ASCC3: variants seen among roughly 807,000 people sequenced by gnomAD.
ASCC3 encodes the protein ASC-1 complex subunit P200.
Under a neutral mutation model 256.3 loss-of-function variants are expected in ASCC3, and 158 were observed. The observed-to-expected ratio is 0.62, with a 90% CI of 0.54 to 0.70. The LOEUF (loss-of-function observed/expected upper bound fraction) is 0.70, where lower values mean the gene tolerates loss of function less well. Among genes scored for constraint, ASCC3 ranks in the 30% least tolerant of loss-of-function variants. The pLI, the probability that ASCC3 is intolerant of heterozygous loss-of-function variation, is 0.00. For missense variants in ASCC3, 2,259 were observed against 2,626.0 expected (o/e 0.86, Z 3.05); for synonymous variants, 948 against 883.4 (o/e 1.07, Z -1.30).
Position 100,652,753 on chromosome 6 carries a change from T to TA in ASCC3, c.2959_2960insT (p.His987LeufsTer5). ...AATGGTGTTGTATTTAATATAGTAATGGCTGGCAGTTCTACCCAAATCAGT... is the reference window on the plus strand; with the variant it reads ...AATGGTGTTGTATTTAATATAGTAATAGGCTGGCAGTTCTACCCAAATCAGT... On this transcript the variant is annotated frameshift_variant, in exon 18 of 42. Transcript: ENST00000369162. LOFTEE classifies it high-confidence loss of function. 2 of 1,613,902 alleles carry TA rather than the reference T, an allele frequency of 1.2e-6. No homozygotes were observed. Among genetic ancestry groups the TA allele is most frequent in the Non-Finnish European group, 1.7e-6 (2 of 1,179,920 alleles).
chr6:100,703,438 T>C (rs1311880303), intron 13 of ASCC3, among the ~76,000 whole-genome samples: 2 of 151,954 alleles, frequency 1.3e-5, no homozygotes, highest in East Asian at 3.9e-4. Context: ...GACAGTAAAA[T>C]AAGTCTTGCT....
At chr6:100,871,911 A>G (rs908371351) in intron 1 of ASCC3, among the ~76,000 whole-genome samples, 2 of 152,368 alleles carry the variant, frequency 1.3e-5, no homozygotes, top group East Asian at 1.9e-4. Context: ...AGTACACAGT[A>G]TGTATGTACA....
intron 6 of ASCC3, 94 bp from the exon 7 acceptor site, chr6:100,799,666 A>C: frequency 7.7e-7 from 1 of 1,298,134 alleles, no homozygotes; most frequent in Non-Finnish European, 1.1e-6. Flanking sequence ...ATTGGGAGCT[A>C]GCCTTCCACC....
chr6:100,853,551 G>A (rs1230496312), intron 3 of ASCC3, among the ~76,000 whole-genome samples: 1 of 151,332 alleles, frequency 6.6e-6, no homozygotes, highest in African/African-American at 2.4e-5. Context: ...TGCAACCTTC[G>A]CCTCCTGGGC....
chr6:100,784,375 A>C (rs1056738992), intron 8 of ASCC3, among the ~76,000 whole-genome samples: 1 of 152,066 alleles, frequency 6.6e-6, no homozygotes, highest in Non-Finnish European at 1.5e-5. Context: ...ATTTAACCTA[A>C]CTCCTAGACA....
chr6:100,857,258 T>C (rs1214985191), intron 3 of ASCC3: 1 of 152,128 alleles, frequency 6.6e-6, no homozygotes, highest in East Asian at 1.9e-4. Flanking sequence ...ATCTGTCCTT[T>C]CCTTATTGAT....
intron 37 of ASCC3, among the ~76,000 whole-genome samples, chr6:100,520,105 C>T (rs968256069): frequency 6.6e-6 from 1 of 152,086 alleles, no homozygotes; most frequent in Non-Finnish European, 1.5e-5. Flanking sequence ...TGCAGACCTT[C>T]GTTTCTCTCC....
intron 36 of ASCC3, among the ~76,000 whole-genome samples, chr6:100,550,933 T>C (rs1769264450): frequency 6.6e-6 from 1 of 151,964 alleles, no homozygotes; most frequent in Non-Finnish European, 1.5e-5. Context: ...TTAATAAGTT[T>C]CTAAGTTTAA....
chr6:100,628,145 TC>T (rs1289782241), intron 27 of ASCC3, among the ~76,000 whole-genome samples, 158 bp from the exon 28 acceptor site: 1 of 150,292 alleles, frequency 6.7e-6, no homozygotes, highest in Non-Finnish European at 1.5e-5. Flanking sequence ...GATTCTGCAA[TC>T]CTACTCCCAG....
chr6:100,654,303 C>CA (rs34148231), intron 17 of ASCC3, among the ~76,000 whole-genome samples: 11,486 of 106,972 alleles, frequency 0.11, 721 homozygotes, highest in African/African-American at 0.22. Flanking sequence ...ACACACAAAT[C>CA]AAAAAAAAAA....
intron 10 of ASCC3, among the ~76,000 whole-genome samples, chr6:100,733,652 C>G (rs546067615): frequency 6.6e-6 from 1 of 152,114 alleles, no homozygotes; most frequent in East Asian, 1.9e-4. Flanking sequence ...CAACAATAAA[C>G]GAACTAAGAG....
At chr6:100,866,962 C>T (rs1175483149) in intron 2 of ASCC3, among the ~76,000 whole-genome samples, 1 of 152,118 alleles carries the variant, frequency 6.6e-6, no homozygotes, top group African/African-American at 2.4e-5. Context: ...ATATCATATG[C>T]TTTTAATTTT....
Position 100,606,800 on chromosome 6 carries a change from T to C in ASCC3, c.4984A>G (p.Ile1662Val), listed in dbSNP as rs746032367. The change falls in exon 32 of 42, where the codon ATT (isoleucine) becomes GTT (valine). Residue 1662 changes from isoleucine to valine, a missense_variant. Physicochemically the swap from Ile to Val is conservative, Grantham distance 29. This residue lies in a region of ASCC3 where 1,839 missense variants were observed against 2,206.7 expected (regional missense o/e 0.83). Coordinates refer to ENST00000369162, the MANE Select transcript of ASCC3 (RefSeq NM_006828.4). ...GVNFPAHLVI[I>V]KGTEYYDGKT... is the part of the protein sequence containing the mutation. Reference sequence around the variant, plus strand: ...CCATCATAGTATTCTGTTCCCTTAATAATTACTAAATGAGCTGGAAAGTTT... The same window carrying C: ...CCATCATAGTATTCTGTTCCCTTAACAATTACTAAATGAGCTGGAAAGTTT... 6.2e-7 allele frequency: 1 copy of C among 1,611,940 alleles called. No homozygotes were observed. The highest frequency in any genetic ancestry group is 8.5e-7 in the Non-Finnish European group (1 of 1,179,012).
chr6:100,510,144 T>A, intron 40 of ASCC3, 37 bp from the exon 41 acceptor site: 1 of 1,610,516 alleles, frequency 6.2e-7, no homozygotes, highest in Non-Finnish European at 8.5e-7. Context: ...ATTAAAAATA[T>A]CTAGACTTCC....
intron 34 of ASCC3, among the ~76,000 whole-genome samples, chr6:100,599,175 C>T (rs1021015335): frequency 1.3e-5 from 2 of 152,108 alleles, no homozygotes; most frequent in Non-Finnish European, 2.9e-5. Context: ...GGGTCTTTCA[C>T]ATACAAGGTG....
intron 10 of ASCC3, among the ~76,000 whole-genome samples, chr6:100,764,006 C>T (rs967905466): frequency 6.6e-6 from 1 of 152,120 alleles, no homozygotes; most frequent in Non-Finnish European, 1.5e-5. Flanking sequence ...GGAGGTACTA[C>T]CCAGTAGGGT....
At chr6:100,689,442 A>C (rs998688307) in intron 13 of ASCC3, among the ~76,000 whole-genome samples, 10 of 152,176 alleles carry the variant, frequency 6.6e-5, no homozygotes, top group African/African-American at 2.2e-4. Context: ...TTGCCATTTC[A>C]AAGCCTACTT....
chr6:100,870,228 A>ATATTTTTAAAAATGCATTTTTTAATGCAT (rs1773673317), intron 1 of ASCC3, among the ~76,000 whole-genome samples: 4 of 150,660 alleles, frequency 2.7e-5, no homozygotes, highest in Admixed American at 1.3e-4. Flanking sequence ...TTTTTAATGC[A>ATATTTTTAAAAATGCATTTTTTAATGCAT]TTTTTTAATG....
chr6:100,776,373 C>T (rs948093150), intron 8 of ASCC3, among the ~76,000 whole-genome samples: 4 of 152,058 alleles, frequency 2.6e-5, no homozygotes, highest in African/African-American at 9.7e-5. Context: ...AACTACTAAG[C>T]ATTTTCAAAA....
Sources: gnomAD v4.1 joint callset for allele counts (sites outside exome capture counted in the v4.1 genomes callset) on GRCh38, gnomAD v4.1.1 for gene constraint, gnomAD v4.1.1 regional missense constraint, MANE v1.5 for transcripts, NCBI Gene and HGNC (gene_info 2026-07-23, HGNC 2026-07-21) for gene names.